Variants in USP26 observed in about 807,000 individuals in gnomAD.
USP26 encodes ubiquitin specific peptidase 26.
For missense variants in USP26, 649 were observed against 642.3 expected (o/e 1.01, Z -0.11); for synonymous variants, 236 against 240.6 (o/e 0.98, Z 0.18).
rs1352450328 is a variant in USP26, at chrX:133,072,992, C to T, written c.-77+10715G>A. On this transcript the variant is annotated intron_variant, in intron 5 of 5. Coordinates refer to ENST00000511190, the MANE Select transcript of USP26 (RefSeq NM_031907.3). ...GAAAAAGTATTATAAGCATTTATTG[C>T]ATTTTTTCGTAGAGTCCCTTTAAAA... Among the ~76,000 whole-genome samples, 18 of 111,885 alleles carry T rather than the reference C, an allele frequency of 1.6e-4. No individual in the cohort carries two copies. The Admixed American group carries it at 1.6e-3, about 10-fold the overall frequency.
intron 5 of USP26, among the ~76,000 whole-genome samples, chrX:133,064,781 A>G (rs1225375548): frequency 8.9e-6 from 1 of 111,992 alleles, no homozygotes; most frequent in African/African-American, 3.2e-5. Flanking sequence ...AGTGGGAAAG[A>G]TCTAAAAGTG....
intron 5 of USP26, among the ~76,000 whole-genome samples, chrX:133,029,496 A>G (rs1037499266): frequency 1.2e-4 from 13 of 112,407 alleles, no homozygotes; most frequent in Admixed American, 4.7e-4. Flanking sequence ...AAATGGGGCC[A>G]TAAAAACATT....
chrX:133,032,272 T>C (rs2067380151), intron 5 of USP26, among the ~76,000 whole-genome samples: 1 of 111,597 alleles, frequency 9.0e-6, no homozygotes, highest in Admixed American at 9.5e-5. Flanking sequence ...CTGCCTTATA[T>C]AGGGGGTTCT....
intron 5 of USP26, among the ~76,000 whole-genome samples, chrX:133,044,658 C>A (rs1379588900): frequency 8.8e-6 from 1 of 113,331 alleles, no homozygotes; most frequent in Non-Finnish European, 1.9e-5. Context: ...TGAGCCTCCC[C>A]TGCTCCCCAC....
At chrX:133,039,736 T>C (rs965910387) in intron 5 of USP26, among the ~76,000 whole-genome samples, 2 of 111,657 alleles carry the variant, frequency 1.8e-5, no homozygotes, top group Non-Finnish European at 3.8e-5. Context: ...GTTCAAGTCC[T>C]AAATATCCTT....
At chrX:133,058,866 T>G (rs1407757426) in intron 5 of USP26, among the ~76,000 whole-genome samples, 1 of 111,573 alleles carries the variant, frequency 9.0e-6, no homozygotes, top group Non-Finnish European at 1.9e-5. Flanking sequence ...TAGAGTGCAG[T>G]GGCGTGATCT....
At chrX:133,087,753 A>G (rs886786507) in intron 4 of USP26, among the ~76,000 whole-genome samples, 4 of 112,329 alleles carry the variant, frequency 3.6e-5, no homozygotes, top group Non-Finnish European at 7.5e-5. Context: ...TAAAAGATCT[A>G]TAAACCCAAA....
At chrX:133,051,311 G>A (rs190062067) in intron 5 of USP26, among the ~76,000 whole-genome samples, 172 of 112,061 alleles carry the variant, frequency 1.5e-3, no homozygotes, top group African/African-American at 5.3e-3. Context: ...AAAGCACCAT[G>A]AGACAAGTAT....
chrX:133,055,316 G>A (rs2067471780), intron 5 of USP26, among the ~76,000 whole-genome samples: 1 of 111,644 alleles, frequency 9.0e-6, no homozygotes, highest in South Asian at 3.8e-4. Flanking sequence ...CATAGACACA[G>A]AGATGGCCCT....
At position 133,028,059 on chromosome X, in the gene USP26, A is replaced by G. The variant is rs968545674; in HGVS notation, c.162T>C (p.Asp54=). The part of the protein sequence containing the change: ...SGKYSTFRLS[D]NIQNVVLKSY... The stretch of plus-strand genomic sequence containing the variant: ...ATTTAAGGACTACATTTTGAATATT[A>G]TCACTTAGCCGAAAAGTGCTATATT... The change falls in exon 6 of 6, where the codon GAT becomes GAC. Residue 54 remains aspartate (D), a synonymous_variant. Transcript: ENST00000511190. 4.1e-6 allele frequency: 5 copies of G among 1,210,653 alleles called. No homozygotes were observed. Among genetic ancestry groups the G allele is most frequent in the Admixed American group, 2.2e-5 (1 of 45,933 alleles).
rs767765719 is a variant in USP26 at position 133,023,374 on chromosome X, T to C, written c.*2105A>G. Among the ~76,000 whole-genome samples, 5 of 111,694 alleles carry C rather than the reference T, an allele frequency of 4.5e-5. No homozygotes were observed. Among genetic ancestry groups the C allele is most frequent in the Non-Finnish European group, 7.5e-5 (4 of 53,168 alleles). Reference sequence around the variant, plus strand: ...AGAGCAGCATGACCAGGATGTAAACTCTGTACTAAAATATCAAGTTATTAG... The same window carrying C: ...AGAGCAGCATGACCAGGATGTAAACCCTGTACTAAAATATCAAGTTATTAG... On this transcript the variant is annotated 3_prime_UTR_variant, in exon 6 of 6. Coordinates refer to ENST00000511190, the MANE Select transcript of USP26 (RefSeq NM_031907.3).
intron 1 of USP26, among the ~76,000 whole-genome samples, chrX:133,095,093 C>CAAAAAAAAAAAAAAAA (rs35394795): frequency 2.0e-5 from 1 of 51,250 alleles, no homozygotes; most frequent in African/African-American, 7.0e-5. Context: ...AGACTCTTGT[C>CAAAAAAAAAAAAAAAA]AAAAAAAAAA....
chrX:133,091,852 C>A (rs2067609094), intron 1 of USP26, among the ~76,000 whole-genome samples: 1 of 111,803 alleles, frequency 8.9e-6, no homozygotes, highest in East Asian at 2.8e-4. Context: ...GATTCCAATT[C>A]CATCTTTTTC....
Position 133,023,934 on chromosome X carries a change from T to A in USP26, c.*1545A>T, listed in dbSNP as rs1410271435. On this transcript the variant is annotated 3_prime_UTR_variant, in exon 6 of 6. Transcript: ENST00000511190. ...TATTGGTAAAGGTGTGACTGAAAAT[T>A]CAATCCTATGTTATGTGAGAAAACC... Among the ~76,000 whole-genome samples the A allele has an allele frequency of 8.9e-6, 1 of 111,993 alleles. No individual in the cohort carries two copies. Among genetic ancestry groups the A allele is most frequent in the African/African-American group, 3.2e-5 (1 of 30,828 alleles).
intron 5 of USP26, among the ~76,000 whole-genome samples, chrX:133,081,592 G>A (rs761293286): frequency 4.5e-5 from 5 of 111,825 alleles, no homozygotes; most frequent in South Asian, 3.7e-4. Flanking sequence ...CACCATGCCC[G>A]GCTATGTCAC....
At chrX:133,041,578 G>C (rs941669027) in intron 5 of USP26, among the ~76,000 whole-genome samples, 1 of 112,043 alleles carries the variant, frequency 8.9e-6, no homozygotes. Context: ...CTTCATCCCA[G>C]AGGTGCACCA....
Position 133,025,832 on chromosome X carries a change from G to A in USP26, c.2389C>T (p.Pro797Ser). Residue 797 changes from proline to serine, a missense_variant, in exon 6 of 6, where the codon CCA becomes TCA. Coordinates refer to ENST00000511190, the MANE Select transcript of USP26 (RefSeq NM_031907.3). ...SLLALGSNKN[P>S]RNKDILDKIK... ...TTATCTAAAATGTCTTTGTTTCTTG[G>A]ATTCTTATTGGAACCCAGTGCAAGT... The A allele has an allele frequency of 4.1e-6, 5 of 1,210,236 alleles. No individual in the cohort carries two copies. In the East Asian group the frequency reaches 1.5e-4, roughly 36 times the overall value.
chrX:133,076,402 T>A (rs1324101966), intron 5 of USP26, among the ~76,000 whole-genome samples: 2 of 111,201 alleles, frequency 1.8e-5, no homozygotes, highest in Non-Finnish European at 3.8e-5. Flanking sequence ...TGCTGATTGC[T>A]GGGCCTTTGA....
intron 4 of USP26, among the ~76,000 whole-genome samples, chrX:133,087,240 T>G (rs2067592864): frequency 8.9e-6 from 1 of 112,103 alleles, no homozygotes; most frequent in South Asian, 3.7e-4. Context: ...CACTGGAACT[T>G]ATTGAAGACA....
Sources: gnomAD v4.1 joint callset for allele counts (sites outside exome capture counted in the v4.1 genomes callset) on GRCh38, gnomAD v4.1.1 for gene constraint, MANE v1.5 for transcripts, NCBI Gene and HGNC (gene_info 2026-07-23, HGNC 2026-07-21) for gene names.